Variants in TRIM14 observed in about 807,000 individuals in gnomAD.
The protein encoded by TRIM14 is tripartite motif containing 14, also known as tripartite motif-containing protein 14.
A neutral mutation model predicts 44.5 loss-of-function variants in TRIM14; 28 were observed. That is an observed-to-expected ratio of 0.63 (90% CI 0.47 to 0.86). The LOEUF (loss-of-function observed/expected upper bound fraction) is 0.86. Among genes scored for constraint, TRIM14 ranks in the 40% least tolerant of loss-of-function variants. The probability of loss-of-function intolerance (pLI) is 0.00; values close to 1 mark genes in which losing one functional copy is unlikely to be tolerated. For missense variants in TRIM14, 607 were observed against 611.1 expected, an observed-to-expected ratio of 0.99 and a Z score of 0.07; for synonymous variants, 299 against 269.2, an observed-to-expected ratio of 1.11 and a Z score of -1.08.
Position 98,100,084 on chromosome 9 carries a change from C to G in TRIM14, c.384G>C (p.Leu128=). The G allele has an allele frequency of 6.2e-7, 1 of 1,614,182 alleles. No individual in the cohort carries two copies. The highest frequency in any genetic ancestry group is 8.5e-7 in the Non-Finnish European group (1 of 1,180,036). The part of the protein sequence containing the change: ...LRLLLDEEEA[L]AKKFIDKNTQ... Reference sequence around the variant, plus strand: ...TGTTTTTATCAATGAATTTCTTGGCCAGCGCTTCCTCTTCGTCAAGTAGTA... The same window carrying G: ...TGTTTTTATCAATGAATTTCTTGGCGAGCGCTTCCTCTTCGTCAAGTAGTA... The change falls in exon 3 of 6, where the codon CTG becomes CTC. Residue 128 remains leucine (L), a synonymous_variant. Coordinates refer to ENST00000341469, the MANE Select transcript of TRIM14 (RefSeq NM_014788.4).
the TRIM14 span, among the ~76,000 whole-genome samples, chr9:98,044,232 C>T: frequency 6.6e-6 from 1 of 151,846 alleles, no homozygotes; most frequent in Non-Finnish European, 1.5e-5. Context: ...CTGGACAAGC[C>T]TTTTTAAAAC....
rs1827070611 is a variant in TRIM14 at position 98,116,824 on chromosome 9, A to G, written c.207+2158T>C. Among the ~76,000 whole-genome samples the G allele has an allele frequency of 7.3e-5, 11 of 150,030 alleles. No individual in the cohort carries two copies. In the South Asian group the frequency reaches 2.3e-3, roughly 32 times the overall value. On this transcript the variant is annotated intron_variant, in intron 1 of 5. Coordinates refer to ENST00000341469, the MANE Select transcript of TRIM14 (RefSeq NM_014788.4). ...ATGCCATTGCACTCTAGTCTGGGTGACAGAGTGAGACCCTGTGTCTCAAAA... is the reference window on the plus strand; with the variant it reads ...ATGCCATTGCACTCTAGTCTGGGTGGCAGAGTGAGACCCTGTGTCTCAAAA...
chr9:98,118,914 C>T (rs1827146706), intron 1 of TRIM14, 68 bp downstream of exon 1: 1 of 1,418,804 alleles, frequency 7.0e-7, no homozygotes, highest in Admixed American at 2.9e-5. Flanking sequence ...ACGCCCCCTC[C>T]TCGGCCGTTA....
chr9:98,056,488 T>C, the TRIM14 span, among the ~76,000 whole-genome samples: 728 of 151,706 alleles, frequency 4.8e-3, 2 homozygotes, highest in African/African-American at 0.017. Context: ...TGCTTGCTCC[T>C]GGGTGCACGC....
At chr9:98,054,242 A>G in the TRIM14 span, among the ~76,000 whole-genome samples, 1 of 152,164 alleles carries the variant, frequency 6.6e-6, no homozygotes, top group Non-Finnish European at 1.5e-5. Context: ...CCCTCCACAT[A>G]TACAAACACA....
the TRIM14 span, among the ~76,000 whole-genome samples, chr9:98,063,818 C>T: frequency 6.6e-6 from 1 of 152,202 alleles, no homozygotes; most frequent in African/African-American, 2.4e-5. Flanking sequence ...GCTGGGATTA[C>T]AGGTTTAAGC....
chr9:98,064,204 C>T, the TRIM14 span, among the ~76,000 whole-genome samples: 1 of 152,150 alleles, frequency 6.6e-6, no homozygotes, highest in African/African-American at 2.4e-5. Context: ...TCACAGCATT[C>T]GTACGCATGA....
the TRIM14 span, among the ~76,000 whole-genome samples, chr9:98,043,084 CAT>C: frequency 1.3e-5 from 2 of 152,036 alleles, no homozygotes; most frequent in Admixed American, 6.6e-5. Context: ...CTTATAGACT[CAT>C]AAGACCTCTT....
At chr9:98,073,114 ACAGTGGCCATCC>A in intron 6 of TRIM14, among the ~76,000 whole-genome samples, 1 of 152,112 alleles carries the variant, frequency 6.6e-6, no homozygotes, top group Non-Finnish European at 1.5e-5. Context: ...CTCCTCACAC[ACAGTGGCCATCC>A]CAGCAAAGCC....
the TRIM14 span, among the ~76,000 whole-genome samples, chr9:98,047,539 T>C: frequency 2.6e-5 from 4 of 152,078 alleles, no homozygotes; most frequent in East Asian, 1.9e-4. Context: ...ACCCCAGGAA[T>C]TGGAAGCAGT....
downstream of TRIM14, chr9:98,081,127 A>G: frequency 2.5e-6 from 4 of 1,607,820 alleles, no homozygotes; most frequent in Non-Finnish European, 3.4e-6. Context: ...CGTGTGTGGA[A>G]AAAGGATAGG....
At chr9:98,049,883 GA>G in the TRIM14 span, among the ~76,000 whole-genome samples, 1 of 152,206 alleles carries the variant, frequency 6.6e-6, no homozygotes, top group Non-Finnish European at 1.5e-5. Flanking sequence ...AGTGATAAAA[GA>G]AAAACTTCAG....
chr9:98,109,031 C>A (rs527577315), intron 2 of TRIM14, among the ~76,000 whole-genome samples: 3 of 152,070 alleles, frequency 2.0e-5, no homozygotes, highest in African/African-American at 7.2e-5. Flanking sequence ...GCGTGCACCA[C>A]CATACCTGGC....
Position 98,101,219 on chromosome 9 carries a change from C to T in TRIM14, c.304-1055G>A, listed in dbSNP as rs531892235. Among the ~76,000 whole-genome samples, 12 of 152,274 alleles carry T rather than the reference C, an allele frequency of 7.9e-5. No homozygotes were observed. In the East Asian group the frequency reaches 2.3e-3, roughly 29 times the overall value. Reference sequence around the variant, plus strand: ...TGAACTTCTGACCTCAGGTGATCCACCTGCCTCAGCCTCCCAAAATGCTGA... The same window carrying T: ...TGAACTTCTGACCTCAGGTGATCCATCTGCCTCAGCCTCCCAAAATGCTGA... On this transcript the variant is annotated intron_variant, in intron 2 of 5. Coordinates refer to ENST00000341469, the MANE Select transcript of TRIM14 (RefSeq NM_014788.4).
the TRIM14 span, among the ~76,000 whole-genome samples, chr9:98,045,459 C>T: frequency 6.6e-6 from 1 of 152,192 alleles, no homozygotes; most frequent in Non-Finnish European, 1.5e-5. Flanking sequence ...TTTGGCCAAT[C>T]AAATGTAGCC....
intron 2 of TRIM14, among the ~76,000 whole-genome samples, chr9:98,102,301 T>C (rs1437273856): frequency 3.3e-5 from 5 of 152,226 alleles, no homozygotes; most frequent in Non-Finnish European, 5.9e-5. Context: ...TCCCTTTCAA[T>C]GTATCTCCCC....
rs1180094075 is a variant in TRIM14, at chr9:98,087,324, G to A, written c.*146C>T. 8.0e-7 allele frequency: 1 copy of A among 1,246,188 alleles called. No homozygotes were observed. The highest frequency in any genetic ancestry group is 2.3e-5 in the East Asian group (1 of 43,192). 77.2% of individuals were successfully genotyped at this position (1,246,188 alleles called of 1,614,324 possible). ...TAGGAGAGGAAACCTTCAAAGCACT[G>A]TAGGCGTGATTGGTCGGGGAAAGCT... On this transcript the variant is annotated 3_prime_UTR_variant, in exon 6 of 6. Coordinates refer to ENST00000341469, the MANE Select transcript of TRIM14 (RefSeq NM_014788.4).
chr9:98,118,857 G>T, intron 1 of TRIM14, 125 bp downstream of exon 1: 1 of 1,154,002 alleles, frequency 8.7e-7, no homozygotes, highest in Non-Finnish European at 1.2e-6. Context: ...GCCCTCTGGG[G>T]CACCTTTGGT....
downstream of TRIM14, chr9:98,081,543 G>A (rs751552167): frequency 4.1e-4 from 66 of 160,362 alleles, no homozygotes; most frequent in Non-Finnish European, 7.5e-4. Flanking sequence ...GCAGTGAGTC[G>A]TTGCAGAGGT....
Sources: gnomAD v4.1 joint callset for allele counts (sites outside exome capture counted in the v4.1 genomes callset) on GRCh38, gnomAD v4.1.1 for gene constraint, MANE v1.5 for transcripts, NCBI Gene and HGNC (gene_info 2026-07-23, HGNC 2026-07-21) for gene names.